The following B3GALT5 variants were observed in gnomAD, a reference collection of about 807,000 sequenced individuals.
B3GALT5 encodes UDP-Gal:betaGlcNAc beta 1,3-galactosyltransferase, polypeptide 5.
For synonymous variants in B3GALT5, 156 were observed against 158.6 expected, an observed-to-expected ratio of 0.98 and a Z score of 0.12; for missense variants, 328 against 396.6, an observed-to-expected ratio of 0.83 and a Z score of 1.47.
rs190481885 is a variant in B3GALT5 at position 39,629,312 on chromosome 21, G to A, written c.-392+16245G>A. ...TTATAGGCGTGAGCCACCATGCCGA[G>A]CCTTAACATCTTGATTGTATTCTAT... On this transcript the variant is annotated intron_variant, in intron 1 of 3. Transcript: ENST00000684187. 3.9e-5 allele frequency among the ~76,000 whole-genome samples: 6 copies of A among 152,324 alleles called. No homozygotes were observed. The East Asian group carries it at 1.2e-3, about 29-fold the overall frequency.
At chr21:39,643,391 C>T (rs1463254627) in intron 1 of B3GALT5, among the ~76,000 whole-genome samples, 1 of 148,464 alleles carries the variant, frequency 6.7e-6, no homozygotes, top group African/African-American at 2.5e-5. Flanking sequence ...GCACTCCAGC[C>T]TGGGCAACAG....
Position 39,662,119 on chromosome 21 carries a change from TCAACA to T in B3GALT5, c.*632_*636del, listed in dbSNP as rs1215409234. ...TGAGTCCATGTTATCGGCTCGGTAC[TCAACA>T]CAACCCAAGTTTCATCCGAGGAAAT... On this transcript the variant is annotated 3_prime_UTR_variant, in exon 4 of 4. Transcript: ENST00000684187. 1 of 167,070 alleles carries T rather than the reference TCAACA, an allele frequency of 6.0e-6. No individual in the cohort carries two copies. The highest frequency in any genetic ancestry group is 2.4e-5 in the African/African-American group (1 of 41,436). The allele number at this position is 167,070 out of a possible 1,614,324, so 10.3% of individuals were successfully genotyped here.
intron 1 of B3GALT5, among the ~76,000 whole-genome samples, chr21:39,613,593 T>C (rs949104303): frequency 9.2e-5 from 14 of 152,332 alleles, no homozygotes; most frequent in Middle Eastern, 3.4e-3. Context: ...CTGTAGGTCA[T>C]TGCTAAATAC....
chr21:39,661,300 G>C lies in B3GALT5; in HGVS notation c.741G>C (p.Gly247=), dbSNP rs766847002. ...TTAAACTGGAAGACGTGTTTGTGGG[G>C]CTCTGCCTCGAAAGGCTGAACATCA... is the stretch of plus-strand genomic sequence containing the variant. ...PYIKLEDVFV[G]LCLERLNIRL... is the part of the protein sequence containing the mutation. Residue 247 remains glycine, a synonymous_variant, in exon 4 of 4, where the codon GGG becomes GGC. Coordinates refer to ENST00000684187, the MANE Select transcript of B3GALT5 (RefSeq NM_001356336.2). The surrounding 1 kb of genome is among the most constrained non-coding windows in gnomAD (Gnocchi z 4.7). 1.9e-6 allele frequency: 3 copies of C among 1,614,160 alleles called. No homozygotes were observed. Among genetic ancestry groups the C allele is most frequent in the Non-Finnish European group, 2.5e-6 (3 of 1,180,046 alleles).
At chr21:39,640,111 A>G (rs2079278288) in intron 1 of B3GALT5, among the ~76,000 whole-genome samples, 1 of 152,150 alleles carries the variant, frequency 6.6e-6, no homozygotes, top group African/African-American at 2.4e-5. Flanking sequence ...CCCATTTGAT[A>G]GATGAGGAAA....
rs1407112101 is a variant in B3GALT5, at chr21:39,665,961, A to T, written c.*4469A>T. ...GATTCTTAGCATGGTCCCAGCACAT[A>T]GTAGATGCTCAATAAACATTTGTTG... On this transcript the variant is annotated 3_prime_UTR_variant, in exon 4 of 4. Coordinates refer to ENST00000684187, the MANE Select transcript of B3GALT5 (RefSeq NM_001356336.2). 2 of 152,182 alleles carry T rather than the reference A, an allele frequency of 1.3e-5. No homozygotes were observed. The highest frequency in any genetic ancestry group is 2.9e-5 in the Non-Finnish European group (2 of 68,046). 9.4% of individuals were successfully genotyped at this position (152,182 alleles called of 1,614,324 possible).
At position 39,647,541 on chromosome 21, in the gene B3GALT5, G is replaced by C. The variant is rs1042527462; in HGVS notation, c.-161+919G>C. Reference sequence around the variant, plus strand: ...TTTTGTAGAGACAGGGTTTCACCTTGCTGGCCACGCTGGTCCACGCTGGTC... The same window carrying C: ...TTTTGTAGAGACAGGGTTTCACCTTCCTGGCCACGCTGGTCCACGCTGGTC... On this transcript the variant is annotated intron_variant, in intron 2 of 3. Transcript: ENST00000684187. 6.2e-3 allele frequency among the ~76,000 whole-genome samples: 664 copies of C among 107,088 alleles called. 5 individuals carry two copies. Among genetic ancestry groups the C allele is most frequent in the African/African-American group, 0.024 (640 of 27,040 alleles). The allele number at this position is 107,088 out of a possible 152,430, so 70.3% of individuals were successfully genotyped here.
chr21:39,617,233 G>C (rs868483593), intron 1 of B3GALT5, among the ~76,000 whole-genome samples: 1 of 152,134 alleles, frequency 6.6e-6, no homozygotes, highest in Non-Finnish European at 1.5e-5. Context: ...AAATGGTTTC[G>C]TATGGTCCTA....
chr21:39,635,923 T>C (rs2079224154), intron 1 of B3GALT5, among the ~76,000 whole-genome samples: 1 of 152,236 alleles, frequency 6.6e-6, no homozygotes, highest in South Asian at 2.1e-4. Flanking sequence ...AGCTTTTTTA[T>C]TCCCTTTGAT....
intron 1 of B3GALT5, among the ~76,000 whole-genome samples, chr21:39,646,032 T>A (rs1170524786): frequency 5.9e-5 from 9 of 151,428 alleles, no homozygotes; most frequent in Non-Finnish European, 8.8e-5. Flanking sequence ...AAAGTGCTTA[T>A]GAAAACATCT....
chr21:39,659,332 A>C (rs2079485054), intron 2 of B3GALT5, among the ~76,000 whole-genome samples: 1 of 152,176 alleles, frequency 6.6e-6, no homozygotes, highest in African/African-American at 2.4e-5. Flanking sequence ...CTGTCCTCTC[A>C]CCCAGGGTAA....
At chr21:39,635,779 C>G (rs1265496344) in intron 1 of B3GALT5, among the ~76,000 whole-genome samples, 1 of 152,200 alleles carries the variant, frequency 6.6e-6, no homozygotes, top group East Asian at 1.9e-4. Flanking sequence ...CGCACCTGGC[C>G]TCTTCCGTGC....
intron 1 of B3GALT5, among the ~76,000 whole-genome samples, chr21:39,621,098 C>T (rs891943743): frequency 3.9e-5 from 6 of 152,026 alleles, no homozygotes; most frequent in Admixed American, 3.9e-4. Flanking sequence ...GACCCTTTCT[C>T]TGAGAAAAAA....
chr21:39,669,993 G>C lies in B3GALT5; in HGVS notation c.*8501G>C, dbSNP rs955957404. The C allele has an allele frequency of 2.6e-5, 4 of 152,096 alleles. No homozygotes were observed. The highest frequency in any genetic ancestry group is 5.9e-5 in the Non-Finnish European group (4 of 68,086). 9.4% of individuals were successfully genotyped at this position (152,096 alleles called of 1,614,324 possible). A position where few individuals can be genotyped will look rare whatever the true frequency, so the allele number is the denominator to read the frequency against. On this transcript the variant is annotated 3_prime_UTR_variant, in exon 4 of 4. Transcript: ENST00000684187. ...GGGCCTGTTTGACCTCCTGGGATTC[G>C]GCACTTAGTTATCTGTGTCATTCCC...
At chr21:39,639,824 A>G (rs2079275741) in intron 1 of B3GALT5, among the ~76,000 whole-genome samples, 1 of 152,128 alleles carries the variant, frequency 6.6e-6, no homozygotes, top group South Asian at 2.1e-4. Context: ...TGCATCCTGT[A>G]GCTCTCCTAG....
intron 1 of B3GALT5, among the ~76,000 whole-genome samples, chr21:39,616,950 T>C (rs1006731256): frequency 6.6e-6 from 1 of 152,230 alleles, no homozygotes; most frequent in Non-Finnish European, 1.5e-5. Flanking sequence ...ATTTCAAACA[T>C]GCAGAAGTGA....
chr21:39,634,607 T>A (rs1020826998), intron 1 of B3GALT5, among the ~76,000 whole-genome samples: 3 of 151,750 alleles, frequency 2.0e-5, no homozygotes, highest in Admixed American at 6.6e-5. Flanking sequence ...TCAAGTGGAG[T>A]CTTTTGGCAG....
At chr21:39,640,727 T>C (rs1013131990) in intron 1 of B3GALT5, among the ~76,000 whole-genome samples, 6 of 151,962 alleles carry the variant, frequency 3.9e-5, no homozygotes, top group African/African-American at 1.5e-4. Context: ...AGTTTTAATA[T>C]TGCCTTTCCA....
At chr21:39,624,794 A>G (rs1026271568) in intron 1 of B3GALT5, among the ~76,000 whole-genome samples, 1 of 152,002 alleles carries the variant, frequency 6.6e-6, no homozygotes, top group South Asian at 2.1e-4. Context: ...TTGTTAGCTA[A>G]TCAGTTTACC....
Sources: allele counts gnomAD v4.1 joint callset (sites outside exome capture counted in the v4.1 genomes callset), GRCh38; gene constraint gnomAD v4.1.1; non-coding constraint Gnocchi (gnomAD v3.1); transcripts MANE v1.5; gene names NCBI Gene and HGNC (gene_info 2026-07-23, HGNC 2026-07-21).